Variants in SGPL1 observed in about 807,000 individuals in gnomAD.
SGPL1 encodes SP-lyase 1.
Under a neutral mutation model 68.9 loss-of-function variants are expected in SGPL1, and 37 were observed. The observed-to-expected ratio is 0.54, with a 90% CI of 0.41 to 0.71. The LOEUF (loss-of-function observed/expected upper bound fraction) is 0.71. Among genes scored for constraint, SGPL1 ranks in the 30% least tolerant of loss-of-function variants. The probability of loss-of-function intolerance (pLI) is 0.00; values close to 1 mark genes in which losing one functional copy is unlikely to be tolerated. For synonymous variants in SGPL1, 236 were observed against 248.5 expected (o/e 0.95, Z 0.47); for missense variants, 551 against 704.6 (o/e 0.78, Z 2.47).
intron 3 of SGPL1, among the ~76,000 whole-genome samples, chr10:70,847,335 G>A (rs183995957): frequency 7.2e-4 from 110 of 152,172 alleles, no homozygotes; most frequent in African/African-American, 2.4e-3. Flanking sequence ...TTTTAGTAGA[G>A]ATGGGGTTTC....
At chr10:70,835,711 G>A (rs1332358902) in intron 2 of SGPL1, among the ~76,000 whole-genome samples, 2 of 146,386 alleles carry the variant, frequency 1.4e-5, no homozygotes, top group East Asian at 3.9e-4. Context: ...ACTCCAGCCT[G>A]GGTGACAGAG....
chr10:70,870,906 T>G (rs1445294986), intron 9 of SGPL1, 142 bp from the exon 10 acceptor site: 2 of 671,202 alleles, frequency 3.0e-6, no homozygotes, highest in African/African-American at 3.5e-5. Flanking sequence ...TGGGATGCAG[T>G]CTTCTCCCAG....
At chr10:70,862,241 A>G (rs1295389169) in intron 7 of SGPL1, among the ~76,000 whole-genome samples, 1 of 152,220 alleles carries the variant, frequency 6.6e-6, no homozygotes, top group East Asian at 1.9e-4. Context: ...CCCTGTGTCT[A>G]GCTCAGGGTT....
chr10:70,822,541 T>C (rs1321511211), intron 2 of SGPL1, among the ~76,000 whole-genome samples: 1 of 152,208 alleles, frequency 6.6e-6, no homozygotes, highest in East Asian at 1.9e-4. Flanking sequence ...TGTGAATCAG[T>C]CTGTATGTGT....
At chr10:70,832,293 T>C (rs548676136) in intron 2 of SGPL1, among the ~76,000 whole-genome samples, 2 of 152,330 alleles carry the variant, frequency 1.3e-5, no homozygotes, top group South Asian at 4.1e-4. Flanking sequence ...TGCTTATTCT[T>C]TTGAGCAGGC....
At chr10:70,868,217 C>T (rs1846227664) in intron 7 of SGPL1, 128 bp from the exon 8 acceptor site, 2 of 667,254 alleles carry the variant, frequency 3.0e-6, no homozygotes, top group Non-Finnish European at 5.0e-6. Flanking sequence ...GAAGACATGG[C>T]AGTGTCTGCC....
intron 6 of SGPL1, among the ~76,000 whole-genome samples, chr10:70,858,368 C>T (rs1432983560): frequency 1.3e-5 from 2 of 152,052 alleles, no homozygotes; most frequent in Non-Finnish European, 2.9e-5. Flanking sequence ...CAACTCCCAG[C>T]CTCAAGTGAT....
intron 2 of SGPL1, among the ~76,000 whole-genome samples, chr10:70,830,873 G>A (rs776801595): frequency 1.6e-4 from 24 of 152,108 alleles, no homozygotes; most frequent in Non-Finnish European, 3.4e-4. Flanking sequence ...ATGAACATAT[G>A]TTGAAGATTT....
chr10:70,839,068 C>T (rs964324096), intron 2 of SGPL1, among the ~76,000 whole-genome samples: 9 of 152,248 alleles, frequency 5.9e-5, no homozygotes, highest in Admixed American at 2.6e-4. Flanking sequence ...GTCATTGGGG[C>T]GAGTGGGCTA....
Position 70,877,340 on chromosome 10 carries a change from G to T in SGPL1, c.*5G>T. 1 of 1,614,092 alleles carries T rather than the reference G, an allele frequency of 6.2e-7. No homozygotes were observed. Among genetic ancestry groups the T allele is most frequent in the African/African-American group, 1.3e-5 (1 of 75,036 alleles). ...GGTTCTCCAAAACCCCACTGAACTT[G>T]GACCCTTTCTAGTCTCAAGGGGATT... is the stretch of plus-strand genomic sequence containing the variant. On this transcript the variant is annotated 3_prime_UTR_variant, in exon 15 of 15. Coordinates refer to ENST00000373202, the MANE Select transcript of SGPL1 (RefSeq NM_003901.4).
rs1344371496 is a variant in SGPL1 at position 70,880,080 on chromosome 10, C to T, written c.*2745C>T. 6.6e-6 allele frequency: 1 copy of T among 152,590 alleles called. No homozygotes were observed. The highest frequency in any genetic ancestry group is 1.5e-5 in the Non-Finnish European group (1 of 68,030). 9.5% of individuals were successfully genotyped at this position (152,590 alleles called of 1,614,324 possible). Reference sequence around the variant, plus strand: ...TAATTTCAGCAATAATCTCAAAAAGCAATTAAATAGTTAAATGACCCTAAT... The same window carrying T: ...TAATTTCAGCAATAATCTCAAAAAGTAATTAAATAGTTAAATGACCCTAAT... On this transcript the variant is annotated 3_prime_UTR_variant, in exon 15 of 15. Coordinates refer to ENST00000373202, the MANE Select transcript of SGPL1 (RefSeq NM_003901.4).
At chr10:70,862,876 G>T (rs1413626767) in intron 7 of SGPL1, among the ~76,000 whole-genome samples, 1 of 152,240 alleles carries the variant, frequency 6.6e-6, no homozygotes, top group Non-Finnish European at 1.5e-5. Context: ...CTTGAAGTCA[G>T]TGAGACCAAG....
intron 2 of SGPL1, among the ~76,000 whole-genome samples, chr10:70,826,527 G>A (rs560412313): frequency 2.4e-4 from 36 of 152,310 alleles, no homozygotes; most frequent in Admixed American, 3.9e-4. Flanking sequence ...TTTATTATAC[G>A]TGCAGAAGAG....
At position 70,879,093 on chromosome 10, in the gene SGPL1, A is replaced by G. The variant is rs1457073807; in HGVS notation, c.*1758A>G. 6.5e-6 allele frequency: 1 copy of G among 152,990 alleles called. No individual in the cohort carries two copies. Among genetic ancestry groups the G allele is most frequent in the Non-Finnish European group, 1.5e-5 (1 of 68,332 alleles). The allele number at this position is 152,990 out of a possible 1,614,324, so 9.5% of individuals were successfully genotyped here. Reference sequence around the variant, plus strand: ...ACTCCTGGCCCAGGCCCTAGGGGAAATGGATCAGTCTTTGAGGTTTCTATT... The same window carrying G: ...ACTCCTGGCCCAGGCCCTAGGGGAAGTGGATCAGTCTTTGAGGTTTCTATT... On this transcript the variant is annotated 3_prime_UTR_variant, in exon 15 of 15. Coordinates refer to ENST00000373202, the MANE Select transcript of SGPL1 (RefSeq NM_003901.4).
rs752722320 is a variant in SGPL1 at position 70,873,517 on chromosome 10, T to G, written c.1226T>G (p.Met409Arg). Residue 409 changes from methionine (M) to arginine (R), a missense_variant, in exon 12 of 15, where the codon ATG (methionine) becomes AGG (arginine). Transcript: ENST00000373202. ...GISAACWAAL[M>R]HFGENGYVEA... ...AGCGCAGCCTGTTGGGCTGCCTTGA[T>G]GCACTTCGGTGAGAACGGCTATGTT... 6.2e-7 allele frequency: 1 copy of G among 1,614,264 alleles called. No individual in the cohort carries two copies. Among genetic ancestry groups the G allele is most frequent in the Non-Finnish European group, 8.5e-7 (1 of 1,180,034 alleles).
intron 1 of SGPL1, among the ~76,000 whole-genome samples, chr10:70,816,484 C>T (rs1845231958): frequency 1.3e-5 from 2 of 152,116 alleles, no homozygotes; most frequent in Non-Finnish European, 2.9e-5. Flanking sequence ...AGCCTCGGCA[C>T]CTTCAGCCCG....
Position 70,875,543 on chromosome 10 carries a change from AC to A in SGPL1, c.1443del (p.Ser482ValfsTer15). The A allele has an allele frequency of 6.2e-7, 1 of 1,607,670 alleles. No individual in the cohort carries two copies. The highest frequency in any genetic ancestry group is 8.5e-7 in the Non-Finnish European group (1 of 1,176,574). ...GGAACTTGAACCAGTTGCAGTTCCC[AC>A]CCAGGTAAGCTTGAAGAAGCCTCTT... ...GWNLNQLQFP[P>X]SIHFCITLLH... On this transcript the variant is annotated frameshift_variant, in exon 13 of 15. Transcript: ENST00000373202. LOFTEE classifies it high-confidence loss of function.
At chr10:70,868,231 C>A (rs1846227764) in intron 7 of SGPL1, 114 bp from the exon 8 acceptor site, 2 of 756,082 alleles carry the variant, frequency 2.6e-6, no homozygotes, top group Admixed American at 2.7e-5. Flanking sequence ...GTCTGCCTTG[C>A]AGCATGCATC....
chr10:70,873,252 GAAAT>G (rs775755754), intron 11 of SGPL1, 95 bp from the exon 12 acceptor site: 48 of 893,826 alleles, frequency 5.4e-5, no homozygotes, highest in Non-Finnish European at 8.7e-5. Context: ...GAGAAACTGA[GAAAT>G]AAATAGGATT....
Sources: gnomAD v4.1 joint callset for allele counts (sites outside exome capture counted in the v4.1 genomes callset) on GRCh38, gnomAD v4.1.1 for gene constraint, MANE v1.5 for transcripts, NCBI Gene and HGNC (gene_info 2026-07-23, HGNC 2026-07-21) for gene names.